Variants in USP8 observed in about 807,000 individuals in gnomAD.
USP8 encodes the protein ubiquitin specific peptidase 8, also known as ubiquitin carboxyl-terminal hydrolase 8.
In USP8, 27 loss-of-function variants were observed where a neutral mutation model predicts 130.0. The observed-to-expected ratio is 0.21, with a 90% CI of 0.15 to 0.29. The LOEUF (loss-of-function observed/expected upper bound fraction) is 0.29, where lower values mean the gene tolerates loss of function less well. Ranked by LOEUF, USP8 falls within the 10% of genes least tolerant of loss-of-function variation. The pLI is 1.00. For synonymous variants in USP8, 392 were observed against 444.1 expected, an observed-to-expected ratio of 0.88 and a Z score of 1.48; for missense variants, 1,029 against 1,312.2, an observed-to-expected ratio of 0.78 and a Z score of 3.33.
intron 18 of USP8, chr15:50,497,584 T>TTAAA (rs1429277088): frequency 6.3e-6 from 1 of 159,460 alleles, no homozygotes; most frequent in South Asian, 2.0e-4. Context: ...TAGTTATGTG[T>TTAAA]TAAATAAAAT....
intron 7 of USP8, among the ~76,000 whole-genome samples, chr15:50,470,589 G>T (rs988524368): frequency 6.6e-6 from 1 of 150,558 alleles, no homozygotes; most frequent in Non-Finnish European, 1.5e-5. Context: ...GCAGGCCATT[G>T]TGAGGACTTT....
At chr15:50,426,484 A>T (rs929207166) in intron 1 of USP8, among the ~76,000 whole-genome samples, 7 of 152,204 alleles carry the variant, frequency 4.6e-5, no homozygotes, top group Non-Finnish European at 1.0e-4. Flanking sequence ...GTTTTCACCT[A>T]GAGTTTAATG....
intron 14 of USP8, 137 bp downstream of exon 14, chr15:50,490,662 G>C (rs1566886230): frequency 3.5e-6 from 4 of 1,156,032 alleles, no homozygotes; most frequent in Non-Finnish European, 4.8e-6. Flanking sequence ...ATTTACCACA[G>C]AGAACAAAAC....
At chr15:50,438,860 A>G (rs2050162357) in intron 1 of USP8, 149 bp from the exon 2 acceptor site, 6 of 418,962 alleles carry the variant, frequency 1.4e-5, no homozygotes, top group Non-Finnish European at 2.5e-5. Flanking sequence ...CATATTCTGC[A>G]TATCTTAAAC....
In USP8 at chr15:50,509,965, G is replaced by C. The variant is rs903988912; in HGVS notation, c.*10877G>C. On this transcript the variant is annotated 3_prime_UTR_variant, in exon 20 of 20. Transcript: ENST00000307179. ...GACTTAGGGAATAATGATGGTTCTT[G>C]CTCTGCCAGATATCAATGTTTATTT... is the stretch of plus-strand genomic sequence containing the variant. The C allele has an allele frequency of 3.9e-5, 6 of 152,020 alleles. No homozygotes were observed. The highest frequency in any genetic ancestry group is 2.6e-4 in the Admixed American group (4 of 15,276). 9.4% of individuals were successfully genotyped at this position (152,020 alleles called of 1,614,324 possible).
intron 1 of USP8, among the ~76,000 whole-genome samples, chr15:50,433,292 C>T (rs570429135): frequency 5.3e-5 from 8 of 151,890 alleles, no homozygotes; most frequent in South Asian, 2.1e-4. Context: ...TTATACAGAA[C>T]GAGTGTAGAG....
At chr15:50,477,528 G>C (rs62019108) in intron 10 of USP8, 29 bp downstream of exon 10, 4 of 1,580,504 alleles carry the variant, frequency 2.5e-6, no homozygotes, top group Non-Finnish European at 3.5e-6. Flanking sequence ...CATTATTCTC[G>C]CTTTTGTTTT....
At chr15:50,494,782 A>G (rs1291758622) in intron 16 of USP8, among the ~76,000 whole-genome samples, 2 of 152,210 alleles carry the variant, frequency 1.3e-5, no homozygotes, top group African/African-American at 2.4e-5. Flanking sequence ...TGGGAGGCCA[A>G]GGCTGGTGGA....
Position 50,494,052 on chromosome 15 carries a change from C to CAACT in USP8, c.2448-17_2448-14dup. 1 of 1,593,726 alleles carries CAACT rather than the reference C, an allele frequency of 6.3e-7. No homozygotes were observed. The highest frequency in any genetic ancestry group is 8.5e-7 in the Non-Finnish European group (1 of 1,172,870). On this transcript the variant is annotated splice_polypyrimidine_tract_variant and intron_variant, in intron 15 of 19. Coordinates refer to ENST00000307179, the MANE Select transcript of USP8 (RefSeq NM_005154.5). The stretch of plus-strand genomic sequence containing the variant: ...AAATTTCCTTTATTGTCTTTTGTAA[C>CAACT]AACTTTTATTTGCACAGGTCAAATT...
chr15:50,449,735 C>A (rs1381031094), intron 4 of USP8, among the ~76,000 whole-genome samples: 1 of 151,488 alleles, frequency 6.6e-6, no homozygotes, highest in Admixed American at 6.6e-5. Context: ...GCACCCACCA[C>A]CACGCCCGGC....
rs2052105354 is a variant in USP8, at chr15:50,490,183, A to C, written c.1972-80A>C. ...TTAATCCAAAAGTAAATTTAGCAGA[A>C]TACTTTGGAGTGATTTCTTTGTTTA... On this transcript the variant is annotated intron_variant, in intron 13 of 19. Coordinates refer to ENST00000307179, the MANE Select transcript of USP8 (RefSeq NM_005154.5). 2.0e-5 allele frequency: 27 copies of C among 1,381,716 alleles called. No homozygotes were observed. The South Asian group carries it at 2.5e-4, about 13-fold the overall frequency. 85.6% of individuals were successfully genotyped at this position (1,381,716 alleles called of 1,614,324 possible).
chr15:50,449,907 T>G (rs1279840144), intron 4 of USP8, among the ~76,000 whole-genome samples: 3 of 142,668 alleles, frequency 2.1e-5, no homozygotes, highest in Non-Finnish European at 4.5e-5. Context: ...TTTTTTTTTT[T>G]TTTTCTGAGA....
intron 4 of USP8, among the ~76,000 whole-genome samples, chr15:50,453,496 A>G (rs2050688789): frequency 6.6e-6 from 1 of 152,146 alleles, no homozygotes; most frequent in Admixed American, 6.5e-5. Flanking sequence ...GTGGCTAAAG[A>G]TGTTGCGTCC....
chr15:50,426,249 T>C (rs930180178), intron 1 of USP8, among the ~76,000 whole-genome samples: 20 of 152,216 alleles, frequency 1.3e-4, no homozygotes, highest in Non-Finnish European at 7.3e-5. Flanking sequence ...TTACGAACTT[T>C]TCTCCATGAA....
chr15:50,486,135 T>TA (rs898891620), intron 12 of USP8, among the ~76,000 whole-genome samples: 5 of 151,986 alleles, frequency 3.3e-5, no homozygotes, highest in Admixed American at 6.6e-5. Context: ...ATTTTGCCAT[T>TA]AAAAAAATCT....
intron 10 of USP8, among the ~76,000 whole-genome samples, chr15:50,480,008 G>A (rs936943713): frequency 3.9e-5 from 6 of 152,048 alleles, no homozygotes; most frequent in African/African-American, 1.4e-4. Flanking sequence ...TGATCTATCC[G>A]GCTCGGCCTC....
chr15:50,482,622 G>A (rs1337773051), intron 11 of USP8, among the ~76,000 whole-genome samples: 4 of 152,252 alleles, frequency 2.6e-5, no homozygotes, highest in South Asian at 2.1e-4. Context: ...ATTGATAGCC[G>A]TAATTTTAGG....
Position 50,497,209 on chromosome 15 carries a change from G to A in USP8, c.3016G>A (p.Val1006Met). The change falls in exon 18 of 20, where the codon GTG (valine) becomes ATG (methionine). Residue 1006 changes from valine to methionine, a missense_variant. By Grantham distance (21) the Val-to-Met change is conservative. Transcript: ENST00000307179. ...KKIEIWKLPP[V>M]LLVHLKRFSY... The stretch of plus-strand genomic sequence containing the variant: ...GATAGAAATCTGGAAGTTACCACCT[G>A]TGCTTTTAGTGCATCTGAAACGGTA... 1.2e-6 allele frequency: 2 copies of A among 1,608,248 alleles called. No homozygotes were observed. The highest frequency in any genetic ancestry group is 2.2e-5 in the East Asian group (1 of 44,564).
At chr15:50,463,804 CTTA>C (rs1487271240) in intron 6 of USP8, among the ~76,000 whole-genome samples, 1 of 152,152 alleles carries the variant, frequency 6.6e-6, no homozygotes, top group Non-Finnish European at 1.5e-5. Context: ...GCTGAAACAG[CTTA>C]TTATATAATC....
Sources: allele counts gnomAD v4.1 joint callset (sites outside exome capture counted in the v4.1 genomes callset), GRCh38; gene constraint gnomAD v4.1.1; transcripts MANE v1.5; gene names NCBI Gene and HGNC (gene_info 2026-07-23, HGNC 2026-07-21).